Variants in ZMAT4 observed in about 807,000 individuals in gnomAD.
The protein encoded by ZMAT4 is zinc finger matrin-type protein 4.
ZMAT4 carries 17 observed loss-of-function variants against 28.7 expected under a neutral mutation model. The observed-to-expected ratio is 0.59, with a 90% CI of 0.41 to 0.89. The LOEUF is 0.89. ZMAT4 is among the 40% of genes least tolerant of loss of function. The pLI, the probability that ZMAT4 is intolerant of heterozygous loss-of-function variation, is 0.00. For missense variants in ZMAT4, 240 were observed against 283.8 expected, an observed-to-expected ratio of 0.85 and a Z score of 1.11; for synonymous variants, 117 against 109.2, an observed-to-expected ratio of 1.07 and a Z score of -0.44.
At position 40,545,972 on chromosome 8, in the gene ZMAT4, A is replaced by G. The variant is rs574382330; in HGVS notation, c.675-13734T>C. On this transcript the variant is annotated intron_variant, in intron 6 of 6. Coordinates refer to ENST00000297737, the MANE Select transcript of ZMAT4 (RefSeq NM_024645.3). ...CAGTAAAAAAAAAAAAAAAAAGTCT[A>G]TATGTTTATCCCTATTCAAACACCA... Among the ~76,000 whole-genome samples the G allele has an allele frequency of 2.6e-3, 379 of 147,970 alleles. 2 individuals are homozygous for G. Among genetic ancestry groups the G allele is most frequent in the African/African-American group, 8.7e-3 (346 of 39,888 alleles).
At chr8:40,834,406 G>C (rs532765688) in intron 1 of ZMAT4, among the ~76,000 whole-genome samples, 2 of 152,204 alleles carry the variant, frequency 1.3e-5, no homozygotes, top group South Asian at 4.1e-4. Context: ...CCCAGCCCAA[G>C]GCTTCAGATT....
intron 3 of ZMAT4, among the ~76,000 whole-genome samples, chr8:40,752,320 C>T (rs1444555993): frequency 6.6e-6 from 1 of 152,178 alleles, no homozygotes; most frequent in Non-Finnish European, 1.5e-5. Context: ...GACTTCTCCT[C>T]CTTCCCCCTA....
intron 1 of ZMAT4, among the ~76,000 whole-genome samples, chr8:40,886,653 G>A (rs1171130899): frequency 3.3e-5 from 5 of 152,238 alleles, no homozygotes; most frequent in East Asian, 1.9e-4. Context: ...AAGAGATTAC[G>A]CACAGGCTTG....
intron 4 of ZMAT4, among the ~76,000 whole-genome samples, chr8:40,684,534 T>C (rs896892481): frequency 1.4e-4 from 21 of 152,218 alleles, no homozygotes; most frequent in African/African-American, 4.6e-4. Flanking sequence ...AAACCAGCTT[T>C]GGTTCTTTTA....
At chr8:40,540,921 G>T (rs1232504730) in intron 6 of ZMAT4, among the ~76,000 whole-genome samples, 1 of 152,172 alleles carries the variant, frequency 6.6e-6, no homozygotes, top group Non-Finnish European at 1.5e-5. Flanking sequence ...CTGCAGGGGA[G>T]CATATGGCAG....
intron 1 of ZMAT4, among the ~76,000 whole-genome samples, chr8:40,859,707 G>A (rs1048016991): frequency 1.3e-5 from 2 of 152,140 alleles, no homozygotes; most frequent in African/African-American, 4.8e-5. Context: ...ATGGGCGGTG[G>A]AGAATGTAAA....
chr8:40,695,768 ATTTTTTTTTTTTTTTTTTTTT>A lies in ZMAT4; in HGVS notation c.349+1456_349+1476del, dbSNP rs756360990. ...AAAGAACTGGTTTTGCCATGTGGCA[ATTTTTTTTTTTTTTTTTTTTT>A]TTTTTTTTTTTTTTGCAGAAAGAAT... On this transcript the variant is annotated intron_variant, in intron 4 of 6. Transcript: ENST00000297737. 5.0e-3 allele frequency among the ~76,000 whole-genome samples: 294 copies of A among 58,532 alleles called. 3 individuals are homozygous for A. Among genetic ancestry groups the A allele is most frequent in the African/African-American group, 0.019 (276 of 14,804 alleles). The allele number at this position is 58,532 out of a possible 152,430, so 38.4% of individuals were successfully genotyped here.
chr8:40,721,963 C>T (rs980770358), intron 3 of ZMAT4, among the ~76,000 whole-genome samples: 3 of 151,856 alleles, frequency 2.0e-5, no homozygotes, highest in African/African-American at 7.3e-5. Context: ...GGAAAACTGG[C>T]TAGCCATATG....
At chr8:40,782,236 A>T (rs1318466413) in intron 2 of ZMAT4, among the ~76,000 whole-genome samples, 1 of 152,056 alleles carries the variant, frequency 6.6e-6, no homozygotes, top group African/African-American at 2.4e-5. Context: ...AAAGATAAAA[A>T]TTAGCTGGGC....
chr8:40,808,693 C>A, intron 2 of ZMAT4: 15 of 288,888 alleles, frequency 5.2e-5, no homozygotes, highest in Admixed American at 9.2e-5. Flanking sequence ...AGGGAAAGAG[C>A]AGGCAAATCA....
At chr8:40,570,158 C>T (rs183861622) in intron 6 of ZMAT4, among the ~76,000 whole-genome samples, 432 of 152,198 alleles carry the variant, frequency 2.8e-3, no homozygotes, top group African/African-American at 0.01. Flanking sequence ...CCATATTATT[C>T]CATTAAGTTC....
At chr8:40,622,367 G>A (rs1039034469) in intron 5 of ZMAT4, among the ~76,000 whole-genome samples, 6 of 152,140 alleles carry the variant, frequency 3.9e-5, no homozygotes, top group African/African-American at 1.4e-4. Context: ...AACACTTAAG[G>A]GGAGGCCCCT....
intron 6 of ZMAT4, among the ~76,000 whole-genome samples, chr8:40,572,088 T>G (rs929585542): frequency 1.3e-5 from 2 of 152,180 alleles, no homozygotes; most frequent in Non-Finnish European, 2.9e-5. Flanking sequence ...TTTTATTCTT[T>G]TATTAAATAT....
At chr8:40,863,283 GAA>G (rs34669807) in intron 1 of ZMAT4, among the ~76,000 whole-genome samples, 1 of 148,146 alleles carries the variant, frequency 6.8e-6, no homozygotes, top group African/African-American at 2.5e-5. Flanking sequence ...TCAGAAAGGA[GAA>G]AAAAAAAACT....
intron 5 of ZMAT4, among the ~76,000 whole-genome samples, chr8:40,613,183 T>TCTTTC (rs1554527302): frequency 8.1e-5 from 10 of 122,808 alleles, no homozygotes; most frequent in Admixed American, 1.6e-4. Context: ...TTTCTTTCTT[T>TCTTTC]TTTTTTTTTT....
At chr8:40,747,602 A>G (rs1812292940) in intron 3 of ZMAT4, among the ~76,000 whole-genome samples, 2 of 152,260 alleles carry the variant, frequency 1.3e-5, no homozygotes, top group Admixed American at 1.3e-4. Context: ...TACAGAAAAA[A>G]AAACAACACA....
chr8:40,598,315 T>G (rs1350172567), intron 5 of ZMAT4, among the ~76,000 whole-genome samples: 1 of 152,168 alleles, frequency 6.6e-6, no homozygotes. Flanking sequence ...CCATCTAGGT[T>G]TAAGCCCCAC....
At position 40,560,882 on chromosome 8, in the gene ZMAT4, C is replaced by A. The variant is rs183764728; in HGVS notation, c.674+20283G>T. Reference sequence around the variant, plus strand: ...ACTCTTTCCCCAATTAAACCCTAACCTTTTCCTCTGTTCTCTGGACATGCA... The same window carrying A: ...ACTCTTTCCCCAATTAAACCCTAACATTTTCCTCTGTTCTCTGGACATGCA... On this transcript the variant is annotated intron_variant, in intron 6 of 6. Coordinates refer to ENST00000297737, the MANE Select transcript of ZMAT4 (RefSeq NM_024645.3). Among the ~76,000 whole-genome samples the A allele has an allele frequency of 1.8e-3, 281 of 152,250 alleles. 4 individuals are homozygous for A. The highest frequency in any genetic ancestry group is 6.4e-3 in the African/African-American group (266 of 41,564).
intron 6 of ZMAT4, among the ~76,000 whole-genome samples, chr8:40,548,596 G>A (rs1803272204): frequency 6.6e-6 from 1 of 152,170 alleles, no homozygotes; most frequent in African/African-American, 2.4e-5. Flanking sequence ...AGTTCTGCAT[G>A]GCTGAGTCAA....
Sources: gnomAD v4.1 joint callset for allele counts (sites outside exome capture counted in the v4.1 genomes callset) on GRCh38, gnomAD v4.1.1 for gene constraint, MANE v1.5 for transcripts, NCBI Gene and HGNC (gene_info 2026-07-23, HGNC 2026-07-21) for gene names.